The following DLC1 variants were observed in gnomAD, a reference collection of about 807,000 sequenced individuals.
DLC1 encodes the protein rho GTPase-activating protein 7.
In DLC1, 54 loss-of-function variants were observed where a neutral mutation model predicts 140.3. The observed-to-expected ratio is 0.38, with a 90% CI of 0.31 to 0.48. The LOEUF (loss-of-function observed/expected upper bound fraction) is 0.48. DLC1 is among the 20% of genes least tolerant of loss of function. The pLI is 0.96. For synonymous variants in DLC1, 986 were observed against 728.1 expected, an observed-to-expected ratio of 1.35 and a Z score of -5.70; for missense variants, 2,536 against 1,907.0, an observed-to-expected ratio of 1.33 and a Z score of -6.14.
intron 4 of DLC1, among the ~76,000 whole-genome samples, chr8:13,376,960 GA>G (rs1371613976): frequency 1.3e-5 from 2 of 152,008 alleles, no homozygotes; most frequent in South Asian, 2.1e-4. Flanking sequence ...AGAGGAGAAG[GA>G]AAAAAAATCT....
At position 13,457,676 on chromosome 8, in the gene DLC1, C is replaced by CAAA. The variant is rs34916262; in HGVS notation, c.1023+41370_1023+41372dup. Among the ~76,000 whole-genome samples, 133 of 54,762 alleles carry CAAA rather than the reference C, an allele frequency of 2.4e-3. 1 individual carries two copies. The highest frequency in any genetic ancestry group is 0.025 in the Middle Eastern group (1 of 40). The allele number at this position is 54,762 out of a possible 152,430, so 35.9% of individuals were successfully genotyped here. On this transcript the variant is annotated intron_variant, in intron 2 of 17. Coordinates refer to ENST00000276297, the MANE Select transcript of DLC1 (RefSeq NM_182643.3). ...TGGGTGACAGAGCAAGACTCCATCT[C>CAAA]AAAAAAAAAAAAAAAAAAAAAAAAA... is the stretch of plus-strand genomic sequence containing the variant.
intron 5 of DLC1, among the ~76,000 whole-genome samples, chr8:13,180,820 A>T (rs2116974374): frequency 6.6e-6 from 1 of 152,332 alleles, no homozygotes; most frequent in Non-Finnish European, 1.5e-5. Flanking sequence ...TCCTTTAAAT[A>T]TTGAAAATAG....
chr8:13,420,192 G>GT (rs1465025878), intron 2 of DLC1, among the ~76,000 whole-genome samples: 2 of 152,032 alleles, frequency 1.3e-5, no homozygotes, highest in East Asian at 1.9e-4. Context: ...TTTTTGAAGG[G>GT]TTTTTTGTGT....
chr8:13,358,157 GA>G (rs1835036409), intron 4 of DLC1, among the ~76,000 whole-genome samples: 1 of 151,862 alleles, frequency 6.6e-6, no homozygotes. Context: ...AGTTTTTCTG[GA>G]AAAAAAATAG....
Position 13,092,809 on chromosome 8 carries a change from C to T in DLC1, c.3543G>A (p.Gln1181=), listed in dbSNP as rs1818188649. ...TGGCAGCCTTGATGGCCTGCAGGCGCTGGTCCTTGGGCACATCTGCACGAC... is the reference window on the plus strand; with the variant it reads ...TGGCAGCCTTGATGGCCTGCAGGCGTTGGTCCTTGGGCACATCTGCACGAC... ...LQIYQYVPKD[Q]RLQAIKAAIM... is the part of the protein sequence containing the mutation. The change falls in exon 13 of 18, where the codon CAG becomes CAA. Residue 1181 remains glutamine, a synonymous_variant. Coordinates refer to ENST00000276297, the MANE Select transcript of DLC1 (RefSeq NM_182643.3). 15 of 1,613,750 alleles carry T rather than the reference C, an allele frequency of 9.3e-6. No individual in the cohort carries two copies. Among genetic ancestry groups the T allele is most frequent in the Non-Finnish European group, 1.2e-5 (14 of 1,179,846 alleles).
chr8:13,177,911 TTG>T (rs533923244), intron 5 of DLC1, among the ~76,000 whole-genome samples: 75 of 152,296 alleles, frequency 4.9e-4, no homozygotes, highest in Non-Finnish European at 7.4e-4. Flanking sequence ...TGTTGGAAAT[TTG>T]TGTTAGACCC....
In DLC1 at chr8:13,170,561, C is replaced by T. The variant is rs974079574; in HGVS notation, c.1349-54904G>A. Among the ~76,000 whole-genome samples the T allele has an allele frequency of 1.3e-4, 20 of 151,926 alleles. No homozygotes were observed. The East Asian group carries it at 1.6e-3, about 12-fold the overall frequency. ...CTGGCCAACACGGTGAAACCCCGTCCCTACTAAAAATACAAAAAATTAGCT... is the reference window on the plus strand; with the variant it reads ...CTGGCCAACACGGTGAAACCCCGTCTCTACTAAAAATACAAAAAATTAGCT... On this transcript the variant is annotated intron_variant, in intron 5 of 17. Transcript: ENST00000276297.
intron 5 of DLC1, among the ~76,000 whole-genome samples, chr8:13,197,528 A>G (rs1827138779): frequency 6.6e-6 from 1 of 151,696 alleles, no homozygotes; most frequent in African/African-American, 2.4e-5. Context: ...TTGTATTTTT[A>G]GTAGAGATGG....
At chr8:13,317,983 G>A (rs1184762014) in intron 4 of DLC1, among the ~76,000 whole-genome samples, 1 of 152,128 alleles carries the variant, frequency 6.6e-6, no homozygotes, top group Non-Finnish European at 1.5e-5. Flanking sequence ...AGTTTTCTAA[G>A]TACTTGGCAC....
rs550509251 is a variant in DLC1 at position 13,286,195 on chromosome 8, C to A, written c.1348+19074G>T. 2.6e-5 allele frequency among the ~76,000 whole-genome samples: 4 copies of A among 152,222 alleles called. No homozygotes were observed. The South Asian group carries it at 8.3e-4, about 32-fold the overall frequency. ...TCAAAATCTGATATCAGGAAAAATT[C>A]TCTAACCAAAGCAAACCATCAGAAT... On this transcript the variant is annotated intron_variant, in intron 5 of 17. Coordinates refer to ENST00000276297, the MANE Select transcript of DLC1 (RefSeq NM_182643.3).
At chr8:13,250,323 C>A (rs1021662190) in intron 5 of DLC1, among the ~76,000 whole-genome samples, 4 of 152,116 alleles carry the variant, frequency 2.6e-5, no homozygotes, top group African/African-American at 9.7e-5. Context: ...TGGAGAGTTC[C>A]CTATAGTTCA....
chr8:13,119,422 C>T (rs1405726396), intron 5 of DLC1, among the ~76,000 whole-genome samples: 3 of 152,110 alleles, frequency 2.0e-5, no homozygotes, highest in Non-Finnish European at 4.4e-5. Context: ...TTTCACTCAT[C>T]CTTCAAGATC....
chr8:13,535,214 G>C (rs1157766804), intron 1 of DLC1, among the ~76,000 whole-genome samples: 1 of 151,976 alleles, frequency 6.6e-6, no homozygotes, highest in African/African-American at 2.4e-5. Flanking sequence ...TCGGGACAAG[G>C]GTCTAAATAG....
At chr8:13,387,241 C>G (rs113159677) in intron 4 of DLC1, among the ~76,000 whole-genome samples, 2,518 of 152,082 alleles carry the variant, frequency 0.017, 98 homozygotes, top group African/African-American at 0.056. Context: ...TTCCCCAAGA[C>G]TTCAGTGAAA....
chr8:13,304,281 G>C (rs1330862122), intron 5 of DLC1, among the ~76,000 whole-genome samples: 1 of 151,924 alleles, frequency 6.6e-6, no homozygotes, highest in Non-Finnish European at 1.5e-5. Context: ...TTTTTCTCTT[G>C]AGCTGACATA....
At chr8:13,335,701 A>T (rs548918395) in intron 4 of DLC1, among the ~76,000 whole-genome samples, 6 of 152,306 alleles carry the variant, frequency 3.9e-5, no homozygotes, top group Admixed American at 3.9e-4. Flanking sequence ...TATGCCTTAT[A>T]GAAAATATTG....
intron 5 of DLC1, among the ~76,000 whole-genome samples, chr8:13,194,618 C>G (rs1026725838): frequency 6.6e-6 from 1 of 152,144 alleles, no homozygotes; most frequent in African/African-American, 2.4e-5. Context: ...CACAAGGACT[C>G]CATTCTGGGG....
intron 4 of DLC1, among the ~76,000 whole-genome samples, chr8:13,381,237 G>T (rs775680791): frequency 6.6e-6 from 1 of 152,224 alleles, no homozygotes; most frequent in African/African-American, 2.4e-5. Context: ...GTAAGGGCCT[G>T]TCCCTAGGGT....
At chr8:13,527,977 T>C (rs1381336483) in intron 1 of DLC1, among the ~76,000 whole-genome samples, 2 of 152,170 alleles carry the variant, frequency 1.3e-5, no homozygotes, top group Non-Finnish European at 2.9e-5. Flanking sequence ...TAAGTAGTTA[T>C]TAGCCACATT....
Sources: gnomAD v4.1 joint callset for allele counts (sites outside exome capture counted in the v4.1 genomes callset) on GRCh38, gnomAD v4.1.1 for gene constraint, MANE v1.5 for transcripts, NCBI Gene and HGNC (gene_info 2026-07-23, HGNC 2026-07-21) for gene names.